The following AMMECR1 variants were observed in gnomAD, a reference collection of about 807,000 sequenced individuals.
AMMECR1 encodes AMMECR nuclear protein 1.
A neutral mutation model predicts 22.5 loss-of-function variants in AMMECR1; 3 were observed. The ratio of observed to expected loss-of-function variants is 0.13; its 90% CI spans 0.06 to 0.35. The LOEUF is 0.35. AMMECR1 is among the 10% of genes least tolerant of loss of function. The probability of loss-of-function intolerance (pLI) is 1.00; values close to 1 mark genes in which losing one functional copy is unlikely to be tolerated. For synonymous variants in AMMECR1, 130 were observed against 116.7 expected, an observed-to-expected ratio of 1.11 and a Z score of -0.74; for missense variants, 235 against 278.7, an observed-to-expected ratio of 0.84 and a Z score of 1.12.
intron 2 of AMMECR1, among the ~76,000 whole-genome samples, chrX:110,337,098 T>C (rs1490891377): frequency 9.0e-6 from 1 of 111,266 alleles, no homozygotes; most frequent in Non-Finnish European, 1.9e-5. Flanking sequence ...ATTCCTGGAT[T>C]TGAATTCCAG....
chrX:110,384,175 C>A (rs1400202546), intron 2 of AMMECR1, among the ~76,000 whole-genome samples: 1 of 111,340 alleles, frequency 9.0e-6, no homozygotes, highest in Non-Finnish European at 1.9e-5. Flanking sequence ...GTCTTCCAAG[C>A]TGGTTTATAG....
At chrX:110,378,348 C>T (rs2068393855) in intron 2 of AMMECR1, among the ~76,000 whole-genome samples, 1 of 111,424 alleles carries the variant, frequency 9.0e-6, no homozygotes, top group Non-Finnish European at 1.9e-5. Context: ...CTACTCTCTC[C>T]TTGACTGTTG....
intron 2 of AMMECR1, among the ~76,000 whole-genome samples, chrX:110,228,646 C>T (rs745767569): frequency 2.7e-5 from 3 of 111,191 alleles, no homozygotes; most frequent in African/African-American, 9.8e-5. Context: ...TGGCACGTGT[C>T]AGCATGATGA....
intron 3 of AMMECR1, among the ~76,000 whole-genome samples, chrX:110,209,345 GTTC>G (rs1179516111): frequency 8.9e-6 from 1 of 112,039 alleles, no homozygotes; most frequent in Non-Finnish European, 1.9e-5. Context: ...TCTATAGTGA[GTTC>G]TTCTACAAAG....
chrX:110,291,805 C>T (rs1186325174), intron 1 of AMMECR1, among the ~76,000 whole-genome samples: 1 of 111,927 alleles, frequency 8.9e-6, no homozygotes, highest in Non-Finnish European at 1.9e-5. Flanking sequence ...GGACTACATC[C>T]ACCCAGAGAG....
chrX:110,387,784 A>G (rs2068466038), intron 2 of AMMECR1, among the ~76,000 whole-genome samples: 1 of 109,005 alleles, frequency 9.2e-6, no homozygotes, highest in Admixed American at 9.8e-5. Flanking sequence ...GTTTAGTAGC[A>G]TTCTTCTGGC....
chrX:110,403,439 CACAG>C (rs1220755892), intron 2 of AMMECR1, among the ~76,000 whole-genome samples: 7 of 112,005 alleles, frequency 6.2e-5, no homozygotes, highest in East Asian at 2.8e-4. Flanking sequence ...CACAGACACA[CACAG>C]ACAGACAGAC....
chrX:110,438,127 G>C (rs1183392894), intron 1 of AMMECR1, among the ~76,000 whole-genome samples: 1 of 111,044 alleles, frequency 9.0e-6, no homozygotes, highest in African/African-American at 3.3e-5. Context: ...CCTGTTCTGA[G>C]GCTCATGTTT....
At chrX:110,371,791 G>A (rs950789609) in intron 2 of AMMECR1, among the ~76,000 whole-genome samples, 1 of 111,454 alleles carries the variant, frequency 9.0e-6, no homozygotes, top group African/African-American at 3.3e-5. Context: ...CTCTGTCTAG[G>A]TTCTGGTTAA....
In AMMECR1 at chrX:110,317,954, G is replaced by C. The variant is rs1569405512; in HGVS notation, c.118C>G (p.Arg40Gly). The change falls in exon 1 of 6, where the codon CGA becomes GGA. Residue 40 changes from arginine (R) to glycine (G), a missense_variant. Physicochemically the swap from Arg to Gly is moderately radical, Grantham distance 125. This residue lies in a region of AMMECR1 where 124 missense variants were observed against 97.0 expected (regional missense o/e 1.28). Transcript: ENST00000262844. ...CCTCCTAGTCCCAGCTCCCCAGCTC[G>C]GCACTGGCTCTCTCCGCTGCAGTGG... Reference protein sequence around the residue: ...SSHCSGESQCRAGELGLGGAG... With the variant: ...SSHCSGESQCGAGELGLGGAG... 6.7e-6 allele frequency: 8 copies of C among 1,197,212 alleles called. No homozygotes were observed. The African/African-American group carries it at 7.0e-5, about 11-fold the overall frequency.
intron 2 of AMMECR1, among the ~76,000 whole-genome samples, chrX:110,361,326 C>T (rs1268123407): frequency 8.0e-5 from 9 of 111,858 alleles, no homozygotes; most frequent in Non-Finnish European, 1.5e-4. Flanking sequence ...TTCATTGCTA[C>T]TATCCTGGTT....
rs144220247 is a variant in AMMECR1, at chrX:110,216,991, G to C, written c.585-359C>G. Among the ~76,000 whole-genome samples the C allele has an allele frequency of 5.4e-3, 591 of 109,901 alleles. 3 individuals carry two copies. The highest frequency in any genetic ancestry group is 0.019 in the African/African-American group (574 of 30,274). ...AAACTAGACTAGTGGAAACTTGTAG[G>C]AAGATTTCTGGATCTAGTGCTGGTG... On this transcript the variant is annotated intron_variant, in intron 2 of 5. Coordinates refer to ENST00000262844, the MANE Select transcript of AMMECR1 (RefSeq NM_015365.3).
At chrX:110,249,185 G>C (rs1274475178) in intron 2 of AMMECR1, among the ~76,000 whole-genome samples, 1 of 111,263 alleles carries the variant, frequency 9.0e-6, no homozygotes, top group East Asian at 2.8e-4. Flanking sequence ...GGAAAACTGA[G>C]TTAAGAAACT....
intron 1 of AMMECR1, among the ~76,000 whole-genome samples, chrX:110,304,938 A>C (rs1208409257): frequency 8.9e-6 from 1 of 112,164 alleles, no homozygotes; most frequent in Non-Finnish European, 1.9e-5. Context: ...TACCTAGCCT[A>C]AATCCTATTT....
At chrX:110,232,938 A>AACCAATT (rs2067577614) in intron 2 of AMMECR1, among the ~76,000 whole-genome samples, 1 of 107,097 alleles carries the variant, frequency 9.3e-6, no homozygotes, top group Non-Finnish European at 1.9e-5. Context: ...AGCAAGAGCA[A>AACCAATT]ACCAATTCAA....
At position 110,197,161 on chromosome X, in the gene AMMECR1, C is replaced by A. The variant is rs1022795806; in HGVS notation, c.*1359G>T. ...AGACTATACTTGCAGATGAGCTGGG[C>A]TCTAACTATAGCATATCTGAATGCC... is the stretch of plus-strand genomic sequence containing the variant. On this transcript the variant is annotated 3_prime_UTR_variant, in exon 6 of 6. Coordinates refer to ENST00000262844, the MANE Select transcript of AMMECR1 (RefSeq NM_015365.3). The A allele has an allele frequency of 1.4e-4, 16 of 111,913 alleles. No individual in the cohort carries two copies. The highest frequency in any genetic ancestry group is 9.4e-5 in the Non-Finnish European group (5 of 53,081). The allele number at this position is 111,913 out of a possible 1,213,427, so 9.2% of individuals were successfully genotyped here.
At chrX:110,434,827 C>A (rs1318612199) in intron 1 of AMMECR1, among the ~76,000 whole-genome samples, 5 of 110,377 alleles carry the variant, frequency 4.5e-5, no homozygotes, top group Non-Finnish European at 7.6e-5. Flanking sequence ...GGGGTTTCTC[C>A]TCTCCCATTT....
At chrX:110,228,098 C>T (rs186006819) in intron 2 of AMMECR1, among the ~76,000 whole-genome samples, 492 of 111,994 alleles carry the variant, frequency 4.4e-3, no homozygotes, top group Non-Finnish European at 7.0e-3. Flanking sequence ...GCCTCACATT[C>T]ATTTAAATGG....
At chrX:110,336,318 C>T (rs967698481) in intron 2 of AMMECR1, among the ~76,000 whole-genome samples, 2 of 111,104 alleles carry the variant, frequency 1.8e-5, no homozygotes, top group Admixed American at 9.6e-5. Flanking sequence ...TGTATATATA[C>T]CCCTGGTGGT....
Sources: gnomAD v4.1 joint callset for allele counts (sites outside exome capture counted in the v4.1 genomes callset) on GRCh38, gnomAD v4.1.1 for gene constraint, gnomAD v4.1.1 regional missense constraint, MANE v1.5 for transcripts, NCBI Gene and HGNC (gene_info 2026-07-23, HGNC 2026-07-21) for gene names.